Variants in TACC1 observed in about 807,000 individuals in gnomAD.
TACC1 encodes transforming acidic coiled-coil containing protein 1.
A neutral mutation model predicts 84.4 loss-of-function variants in TACC1; 48 were observed. That is an observed-to-expected ratio of 0.57 (90% CI 0.45 to 0.72). The LOEUF (loss-of-function observed/expected upper bound fraction) is 0.72. TACC1 is among the 30% of genes least tolerant of loss of function. The pLI, the probability that TACC1 is intolerant of heterozygous loss-of-function variation, is 0.00. For synonymous variants in TACC1, 372 were observed against 376.3 expected (o/e 0.99, Z 0.13); for missense variants, 920 against 973.0 (o/e 0.95, Z 0.72).
In TACC1 at chr8:38,827,308, G is replaced by A. The variant is rs1216010455; in HGVS notation, c.1593G>A (p.Leu531=). 6.2e-7 allele frequency: 1 copy of A among 1,614,194 alleles called. No individual in the cohort carries two copies. Among genetic ancestry groups the A allele is most frequent in the African/African-American group, 1.3e-5 (1 of 75,058 alleles). The change falls in exon 5 of 13, where the codon CTG becomes CTA. Residue 531 remains leucine (L), a synonymous_variant. Coordinates refer to ENST00000317827, the MANE Select transcript of TACC1 (RefSeq NM_006283.3). ...AEVKGEPEED[L]EYFECSNVPV... Reference sequence around the variant, plus strand: ...TGAAAGGTGAGCCAGAGGAAGACCTGGAGTACTTTGAATGTTCCAATGTTC... The same window carrying A: ...TGAAAGGTGAGCCAGAGGAAGACCTAGAGTACTTTGAATGTTCCAATGTTC...
intron 6 of TACC1, among the ~76,000 whole-genome samples, chr8:38,833,632 G>T: frequency 1.3e-5 from 2 of 152,298 alleles, no homozygotes; most frequent in Admixed American, 1.3e-4. Flanking sequence ...GACCCCACAT[G>T]TGTTAGCATT....
chr8:38,732,268 C>T (rs1436243055), intron 1 of TACC1, among the ~76,000 whole-genome samples: 1 of 151,204 alleles, frequency 6.6e-6, no homozygotes, highest in Non-Finnish European at 1.5e-5. Flanking sequence ...TGAGTCCCAC[C>T]TCTGACCTAA....
At chr8:38,783,568 C>T (rs1020194552), upstream of TACC1, among the ~76,000 whole-genome samples, 1 of 151,982 alleles carries the variant, frequency 6.6e-6, no homozygotes, top group African/African-American at 2.4e-5. Context: ...ATTACAGGCG[C>T]CTGCCACCAC....
chr8:38,781,527 G>A (rs1452089451), intron 3 of TACC1, among the ~76,000 whole-genome samples: 3 of 151,926 alleles, frequency 2.0e-5, no homozygotes, highest in Admixed American at 6.6e-5. Context: ...GATGACAGGT[G>A]CGTGCCACAT....
chr8:38,744,221 C>T (rs886260822), intron 2 of TACC1: 2 of 152,254 alleles, frequency 1.3e-5, no homozygotes, highest in African/African-American at 4.8e-5. Flanking sequence ...CTCACCTCCG[C>T]ACTCCCCATT....
intron 11 of TACC1, 26 bp from the exon 12 acceptor site, chr8:38,846,673 T>C: frequency 6.2e-7 from 1 of 1,613,544 alleles, no homozygotes; most frequent in Non-Finnish European, 8.5e-7. Flanking sequence ...TTTTGTCTCT[T>C]TATTACACCC....
At position 38,849,243 on chromosome 8, in the gene TACC1, C is replaced by T. The variant is rs1408156531; in HGVS notation, c.*1220C>T. On this transcript the variant is annotated 3_prime_UTR_variant, in exon 13 of 13. Coordinates refer to ENST00000317827, the MANE Select transcript of TACC1 (RefSeq NM_006283.3). ...CATTTTGCATATTTTTAAACAAAGA[C>T]AGCTTGTTGAATACTGAGAAGAGGA... 2 of 152,172 alleles carry T rather than the reference C, an allele frequency of 1.3e-5. No individual in the cohort carries two copies. The highest frequency in any genetic ancestry group is 1.3e-4 in the Admixed American group (2 of 15,274). 9.4% of individuals were successfully genotyped at this position (152,172 alleles called of 1,614,324 possible).
At chr8:38,811,187 A>AT (rs1475627975) in intron 2 of TACC1, among the ~76,000 whole-genome samples, 1 of 151,768 alleles carries the variant, frequency 6.6e-6, no homozygotes, top group African/African-American at 2.4e-5. Context: ...ATATGGAATG[A>AT]TTAAAAAAAA....
intron 2 of TACC1, among the ~76,000 whole-genome samples, chr8:38,815,956 T>C (rs996171557): frequency 2.7e-5 from 4 of 146,178 alleles, no homozygotes; most frequent in African/African-American, 1.0e-4. Flanking sequence ...AGTGAGACCA[T>C]GTTTAAAAAA....
intron 1 of TACC1, among the ~76,000 whole-genome samples, chr8:38,735,280 G>T (rs1387975057): frequency 6.6e-6 from 1 of 152,216 alleles, no homozygotes; most frequent in East Asian, 1.9e-4. Flanking sequence ...GCAAGGTCCA[G>T]GGGTCCTTCT....
At position 38,820,049 on chromosome 8, in the gene TACC1, G is replaced by A. The variant is rs1289109807; in HGVS notation, c.805G>A (p.Glu269Lys). ...LPKASYHFSPEELDENTSPLL... is the reference protein window; with the variant it reads ...LPKASYHFSPKELDENTSPLL... ...CAAGGCATCCTATCACTTCAGTCCT[G>A]AAGAGTTGGATGAGAACACAAGTCC... is the stretch of plus-strand genomic sequence containing the variant. Residue 269 changes from glutamate (E) to lysine (K), a missense_variant, in exon 3 of 13, where the codon GAA becomes AAA. Transcript: ENST00000317827. 2 of 1,614,144 alleles carry A rather than the reference G, an allele frequency of 1.2e-6. No individual in the cohort carries two copies. Among genetic ancestry groups the A allele is most frequent in the South Asian group, 1.1e-5 (1 of 91,086 alleles).
intron 2 of TACC1, among the ~76,000 whole-genome samples, chr8:38,812,883 C>G (rs1824554822): frequency 6.6e-6 from 1 of 152,210 alleles, no homozygotes; most frequent in Non-Finnish European, 1.5e-5. Flanking sequence ...GTGCCAAGCA[C>G]AGAGCCCAGT....
At chr8:38,776,701 C>G (rs958158291) in intron 3 of TACC1, among the ~76,000 whole-genome samples, 1 of 152,146 alleles carries the variant, frequency 6.6e-6, no homozygotes, top group African/African-American at 2.4e-5. Flanking sequence ...TGTTGACAAG[C>G]AAAACGTTTT....
At chr8:38,835,934 G>A (rs1830135000) in intron 6 of TACC1, among the ~76,000 whole-genome samples, 1 of 152,132 alleles carries the variant, frequency 6.6e-6, no homozygotes. Flanking sequence ...AAATTCTCTA[G>A]GTTATCTGCT....
At chr8:38,744,410 C>T (rs72636131) in intron 2 of TACC1, among the ~76,000 whole-genome samples, 2,330 of 152,260 alleles carry the variant, frequency 0.015, 42 homozygotes, top group Admixed American at 0.023. Context: ...GCCACCGCAC[C>T]GAGCCTGACA....
intron 2 of TACC1, among the ~76,000 whole-genome samples, chr8:38,808,246 G>A (rs182611426): frequency 6.8e-4 from 103 of 152,310 alleles, no homozygotes; most frequent in African/African-American, 2.4e-3. Context: ...GCACATGAAG[G>A]TAGGTTAGTT....
At chr8:38,778,806 C>A (rs548594536) in intron 3 of TACC1, among the ~76,000 whole-genome samples, 6 of 152,108 alleles carry the variant, frequency 3.9e-5, no homozygotes, top group Non-Finnish European at 5.9e-5. Context: ...AACATAGTTT[C>A]TTGGAAGAAA....
At chr8:38,754,016 C>T (rs1361026476) in intron 3 of TACC1, among the ~76,000 whole-genome samples, 2 of 150,242 alleles carry the variant, frequency 1.3e-5, no homozygotes, top group Admixed American at 6.6e-5. Context: ...TGCAGTGGCA[C>T]GATCTCCGTT....
chr8:38,781,277 T>G (rs1053693953), intron 3 of TACC1, among the ~76,000 whole-genome samples: 2 of 152,216 alleles, frequency 1.3e-5, no homozygotes, highest in Non-Finnish European at 2.9e-5. Context: ...GCTATATGAT[T>G]AATGTTCTAC....
Sources: allele counts gnomAD v4.1 joint callset (sites outside exome capture counted in the v4.1 genomes callset), GRCh38; gene constraint gnomAD v4.1.1; transcripts MANE v1.5; gene names NCBI Gene and HGNC (gene_info 2026-07-23, HGNC 2026-07-21).